DGKI: variants seen among roughly 807,000 people sequenced by gnomAD.
DGKI encodes the protein diacylglycerol kinase iota, also known as DAG kinase iota.
In DGKI, 55 loss-of-function variants were observed where a neutral mutation model predicts 147.5. The ratio of observed to expected loss-of-function variants is 0.37; its 90% CI spans 0.30 to 0.47. The LOEUF is 0.47. Among genes scored for constraint, DGKI ranks in the 20% least tolerant of loss-of-function variants. The pLI, the probability that DGKI is intolerant of heterozygous loss-of-function variation, is 1.00. For synonymous variants in DGKI, 469 were observed against 477.1 expected (o/e 0.98, Z 0.22); for missense variants, 1,007 against 1,323.8 (o/e 0.76, Z 3.71).
In DGKI at chr7:137,386,645, G is replaced by A. The variant is rs753926090; in HGVS notation, c.*4575C>T. The stretch of plus-strand genomic sequence containing the variant: ...CAGAAAGTTCAGGGACAGGACTGCC[G>A]CTATGGCCCAAAACTTAGAGAGACA... On this transcript the variant is annotated 3_prime_UTR_variant, in exon 33 of 33. Transcript: ENST00000614521. The A allele has an allele frequency of 6.6e-6, 1 of 152,058 alleles. No homozygotes were observed. The highest frequency in any genetic ancestry group is 1.5e-5 in the Non-Finnish European group (1 of 68,008). The allele number at this position is 152,058 out of a possible 1,614,324, so 9.4% of individuals were successfully genotyped here.
chr7:137,599,825 A>G lies in DGKI; in HGVS notation c.1248T>C (p.Asp416=). The change falls in exon 11 of 33, where the codon GAT becomes GAC. Residue 416 remains aspartate (D), a splice_region_variant and synonymous_variant. Transcript: ENST00000614521. The part of the protein sequence containing the change: ...VFDLSQEGPK[D]ALELYRKVPN... ...ATGGAGAATATTTCCAGACTTACGCATCTTTTGGCCCTTCCTGAGAAAGAT... is the reference window on the plus strand; with the variant it reads ...ATGGAGAATATTTCCAGACTTACGCGTCTTTTGGCCCTTCCTGAGAAAGAT... 1.2e-6 allele frequency: 2 copies of G among 1,613,782 alleles called. No individual in the cohort carries two copies. The highest frequency in any genetic ancestry group is 1.3e-5 in the African/African-American group (1 of 75,046).
intron 28 of DGKI, among the ~76,000 whole-genome samples, chr7:137,430,242 A>G (rs1813007729): frequency 6.6e-6 from 1 of 151,892 alleles, no homozygotes; most frequent in Admixed American, 6.6e-5. Flanking sequence ...TGATAAGTTC[A>G]TGTCCTTTGT....
At chr7:137,408,263 T>A (rs988218076) in intron 29 of DGKI, among the ~76,000 whole-genome samples, 1 of 152,214 alleles carries the variant, frequency 6.6e-6, no homozygotes, top group Non-Finnish European at 1.5e-5. Context: ...TTTCATTTAT[T>A]TTCTGAGCAC....
chr7:137,506,677 G>A (rs1438618530), intron 21 of DGKI, among the ~76,000 whole-genome samples: 2 of 152,148 alleles, frequency 1.3e-5, no homozygotes, highest in African/African-American at 2.4e-5. Context: ...TAATAAAGGG[G>A]AGAACTGTGT....
At position 137,391,201 on chromosome 7, in the gene DGKI, C is replaced by A. The variant is rs756053734; in HGVS notation, c.*19G>T. On this transcript the variant is annotated 3_prime_UTR_variant, in exon 33 of 33. Coordinates refer to ENST00000614521, the MANE Select transcript of DGKI (RefSeq NM_001321708.2). ...GATGTGATACGCTTGCTCATGTCCT[C>A]TTTGCCCGAATACCAGGGTCAAACA... 3 of 1,595,316 alleles carry A rather than the reference C, an allele frequency of 1.9e-6. No individual in the cohort carries two copies. Among genetic ancestry groups the A allele is most frequent in the Non-Finnish European group, 2.6e-6 (3 of 1,163,104 alleles).
chr7:137,478,580 G>A (rs1815259894), intron 23 of DGKI, among the ~76,000 whole-genome samples: 1 of 152,206 alleles, frequency 6.6e-6, no homozygotes, highest in Non-Finnish European at 1.5e-5. Context: ...TGTTCTCAGA[G>A]GGTCTGGAAG....
At chr7:137,682,492 G>T (rs911873415) in intron 2 of DGKI, among the ~76,000 whole-genome samples, 1 of 151,996 alleles carries the variant, frequency 6.6e-6, no homozygotes, top group African/African-American at 2.4e-5. Context: ...CCAATGTTCC[G>T]CATAAAACAA....
chr7:137,643,710 T>C (rs572778368), intron 6 of DGKI, among the ~76,000 whole-genome samples: 1 of 152,204 alleles, frequency 6.6e-6, no homozygotes, highest in South Asian at 2.1e-4. Context: ...CAACTCAGGG[T>C]GGAGGAAGCC....
chr7:137,622,068 CAACT>C (rs372889104), intron 7 of DGKI, among the ~76,000 whole-genome samples: 19 of 145,952 alleles, frequency 1.3e-4, no homozygotes, highest in African/African-American at 4.4e-4. Flanking sequence ...ATTTGTGTAA[CAACT>C]AACTGAAAGT....
At chr7:137,624,700 GT>G (rs1366925052) in intron 6 of DGKI, among the ~76,000 whole-genome samples, 9 of 152,018 alleles carry the variant, frequency 5.9e-5, no homozygotes, top group Non-Finnish European at 1.3e-4. Context: ...CGCCTCCCGG[GT>G]TCACACCATT....
At chr7:137,733,064 A>T (rs1428375506) in intron 1 of DGKI, among the ~76,000 whole-genome samples, 1 of 147,902 alleles carries the variant, frequency 6.8e-6, no homozygotes, top group Non-Finnish European at 1.5e-5. Context: ...AACCTTTGAA[A>T]TTTTTTTTTT....
intron 20 of DGKI, among the ~76,000 whole-genome samples, chr7:137,523,305 C>A (rs1439679145): frequency 1.3e-5 from 2 of 151,864 alleles, no homozygotes; most frequent in African/African-American, 4.8e-5. Flanking sequence ...TTGTCTAAAG[C>A]CTCATTTTAG....
chr7:137,583,949 C>G (rs761441010), intron 14 of DGKI, among the ~76,000 whole-genome samples: 6 of 151,944 alleles, frequency 3.9e-5, no homozygotes, highest in Non-Finnish European at 8.8e-5. Flanking sequence ...GTGAAAAAAC[C>G]ATAAAGACAG....
At chr7:137,775,709 AC>A (rs1409577736) in intron 1 of DGKI, among the ~76,000 whole-genome samples, 2 of 152,246 alleles carry the variant, frequency 1.3e-5, no homozygotes, top group Non-Finnish European at 2.9e-5. Context: ...TAGCAACATT[AC>A]GTGTAATAGC....
intron 1 of DGKI, among the ~76,000 whole-genome samples, chr7:137,754,979 C>A (rs953809915): frequency 6.6e-6 from 1 of 152,208 alleles, no homozygotes; most frequent in East Asian, 1.9e-4. Context: ...TGCTTTCTTT[C>A]TCCTACATTA....
At chr7:137,643,137 A>G (rs932476644) in intron 6 of DGKI, among the ~76,000 whole-genome samples, 1 of 151,582 alleles carries the variant, frequency 6.6e-6, no homozygotes, top group African/African-American at 2.4e-5. Context: ...TAAAAATACA[A>G]AAAATTAGCC....
rs555468005 is a variant in DGKI, at chr7:137,439,256, T to A, written c.2761+4821A>T. ...ACAGCCATTGATGCCTCAAAGAGTT[T>A]GGGCCACGCCACAGTGTGTTTCACT... On this transcript the variant is annotated intron_variant, in intron 28 of 32. Coordinates refer to ENST00000614521, the MANE Select transcript of DGKI (RefSeq NM_001321708.2). Among the ~76,000 whole-genome samples, 11 of 152,356 alleles carry A rather than the reference T, an allele frequency of 7.2e-5. No individual in the cohort carries two copies. The East Asian group carries it at 1.9e-3, about 27-fold the overall frequency.
chr7:137,714,653 C>A (rs1328944680), intron 1 of DGKI, among the ~76,000 whole-genome samples: 1 of 152,186 alleles, frequency 6.6e-6, no homozygotes, highest in Non-Finnish European at 1.5e-5. Context: ...GAACAAAACC[C>A]TGCTGTGTTA....
At chr7:137,400,741 A>G (rs746972874) in intron 30 of DGKI, among the ~76,000 whole-genome samples, 4 of 152,042 alleles carry the variant, frequency 2.6e-5, no homozygotes, top group Non-Finnish European at 4.4e-5. Flanking sequence ...TTTTGCTCAT[A>G]ATTAATATCT....
Sources: gnomAD v4.1 joint callset for allele counts (sites outside exome capture counted in the v4.1 genomes callset) on GRCh38, gnomAD v4.1.1 for gene constraint, MANE v1.5 for transcripts, NCBI Gene and HGNC (gene_info 2026-07-23, HGNC 2026-07-21) for gene names.